The following SIDT1 variants were observed in gnomAD, a reference collection of about 807,000 sequenced individuals.
SIDT1 encodes SID1 transmembrane family, member 1.
In SIDT1, 101 loss-of-function variants were observed where a neutral mutation model predicts 107.5. That is an observed-to-expected ratio of 0.94 (90% confidence interval 0.80 to 1.11). The LOEUF (loss-of-function observed/expected upper bound fraction) is 1.11, where lower values mean the gene tolerates loss of function less well. Among genes scored for constraint, SIDT1 ranks in the 50% least tolerant of loss-of-function variants. The probability of loss-of-function intolerance (pLI) is 0.00; values close to 1 mark genes in which losing one functional copy is unlikely to be tolerated. For missense variants in SIDT1, 1,076 were observed against 1,058.2 expected, an observed-to-expected ratio of 1.02 and a Z score of -0.23; for synonymous variants, 395 against 398.2, an observed-to-expected ratio of 0.99 and a Z score of 0.10.
At chr3:113,566,741 T>A (rs1361786084) in intron 2 of SIDT1, among the ~76,000 whole-genome samples, 200 bp downstream of exon 2, 1 of 152,208 alleles carries the variant, frequency 6.6e-6, no homozygotes, top group East Asian at 1.9e-4. Context: ...GCACTCTACC[T>A]AGATTGGCCA....
chr3:113,599,245 C>T (rs1944786403), intron 10 of SIDT1, among the ~76,000 whole-genome samples: 2 of 152,224 alleles, frequency 1.3e-5, no homozygotes, highest in South Asian at 4.1e-4. Flanking sequence ...CCCAGGGGTT[C>T]CATGAGACTC....
At chr3:113,552,747 T>G (rs1337046221) in intron 1 of SIDT1, among the ~76,000 whole-genome samples, 1 of 152,122 alleles carries the variant, frequency 6.6e-6, no homozygotes, top group East Asian at 1.9e-4. Context: ...CTCCCTTCAT[T>G]TTTGTGTCAT....
chr3:113,591,896 T>C (rs1241617121), intron 9 of SIDT1, among the ~76,000 whole-genome samples: 1 of 151,986 alleles, frequency 6.6e-6, no homozygotes, highest in Non-Finnish European at 1.5e-5. Context: ...AACCAAAATA[T>C]CCATTAAGTG....
chr3:113,624,632 G>C (rs1946716998), intron 23 of SIDT1, among the ~76,000 whole-genome samples: 1 of 152,102 alleles, frequency 6.6e-6, no homozygotes, highest in African/African-American at 2.4e-5. Context: ...ATTTTAAAAT[G>C]TGCAGTTCAG....
chr3:113,546,228 T>C (rs1513288), intron 1 of SIDT1, among the ~76,000 whole-genome samples: 4,293 of 152,334 alleles, frequency 0.028, 109 homozygotes, highest in East Asian at 0.095. Flanking sequence ...AGAGTCATTG[T>C]TCTGATATTT....
At chr3:113,569,861 C>T (rs1942277224) in intron 3 of SIDT1, among the ~76,000 whole-genome samples, 2 of 152,042 alleles carry the variant, frequency 1.3e-5, no homozygotes, top group African/African-American at 2.4e-5. Flanking sequence ...GCCAGTGTTG[C>T]GAACCACTAC....
intron 6 of SIDT1, 68 bp from the exon 7 acceptor site, chr3:113,583,341 C>A: frequency 8.5e-7 from 1 of 1,182,654 alleles, no homozygotes; most frequent in South Asian, 1.6e-5. Flanking sequence ...TCTGCCCCTA[C>A]CCCCAGGGAC....
At chr3:113,538,215 A>G (rs1382205487) in intron 1 of SIDT1, among the ~76,000 whole-genome samples, 2 of 152,250 alleles carry the variant, frequency 1.3e-5, no homozygotes, top group East Asian at 3.8e-4. Flanking sequence ...GTGGGGACAC[A>G]AACATTCAAT....
intron 9 of SIDT1, among the ~76,000 whole-genome samples, chr3:113,587,361 T>A (rs1943816592): frequency 6.6e-6 from 1 of 152,188 alleles, no homozygotes; most frequent in Admixed American, 6.5e-5. Context: ...CTGAAATTAT[T>A]TTCAAATACA....
rs373172604 is a variant in SIDT1 at position 113,599,023 on chromosome 3, A to T, written c.1046-2565A>T. Among the ~76,000 whole-genome samples, 22 of 152,342 alleles carry T rather than the reference A, an allele frequency of 1.4e-4. 1 individual carries two copies. The highest frequency in any genetic ancestry group is 5.0e-4 in the African/African-American group (21 of 41,590). On this transcript the variant is annotated intron_variant, in intron 10 of 24. Coordinates refer to ENST00000264852, the MANE Select transcript of SIDT1 (RefSeq NM_017699.3). ...CATGACCCTGTGGTCACAGCTACTC[A>T]AGAGGCTGAGGCAGGAGGATCGCCT...
intron 19 of SIDT1, chr3:113,612,485 A>G (rs1270491601): frequency 1.0e-5 from 5 of 501,380 alleles, no homozygotes; most frequent in East Asian, 5.3e-5. Flanking sequence ...CAGTCTGCCA[A>G]ACTTTGACTT....
intron 3 of SIDT1, among the ~76,000 whole-genome samples, chr3:113,570,448 C>CT (rs997722590): frequency 1.0e-4 from 14 of 137,238 alleles, no homozygotes; most frequent in African/African-American, 3.7e-4. Flanking sequence ...GAATGGTCTT[C>CT]TGTAAGGTTA....
Position 113,563,653 on chromosome 3 carries a change from A to G in SIDT1, c.223-2767A>G, listed in dbSNP as rs1032080842. On this transcript the variant is annotated intron_variant, in intron 1 of 24. Coordinates refer to ENST00000264852, the MANE Select transcript of SIDT1 (RefSeq NM_017699.3). ...CTTTAACAAACAAGTGTTCCCAAAA[A>G]GGAGAGAGAAGTACCCTTTACATTA... is the stretch of plus-strand genomic sequence containing the variant. Among the ~76,000 whole-genome samples, 50 of 152,244 alleles carry G rather than the reference A, an allele frequency of 3.3e-4. 1 individual carries two copies. The highest frequency in any genetic ancestry group is 2.8e-3 in the Admixed American group (43 of 15,290).
intron 1 of SIDT1, among the ~76,000 whole-genome samples, chr3:113,559,253 G>A (rs924014162): frequency 6.6e-6 from 1 of 152,192 alleles, no homozygotes. Context: ...AACTGTAGTA[G>A]ATATTGGCAA....
At chr3:113,568,009 T>G (rs1041146162) in intron 3 of SIDT1, 7 of 270,042 alleles carry the variant, frequency 2.6e-5, no homozygotes, top group Non-Finnish European at 4.8e-5. Flanking sequence ...TAAATACTTT[T>G]GTATTCCCAA....
intron 3 of SIDT1, among the ~76,000 whole-genome samples, chr3:113,569,545 T>C (rs999035724): frequency 5.3e-5 from 8 of 152,168 alleles, no homozygotes; most frequent in African/African-American, 1.9e-4. Context: ...TTTATCTTGG[T>C]CCTCTCTACC....
rs543538504 is a variant in SIDT1 at position 113,560,461 on chromosome 3, C to A, written c.223-5959C>A. Among the ~76,000 whole-genome samples, 248 of 152,322 alleles carry A rather than the reference C, an allele frequency of 1.6e-3. 1 individual carries two copies. Among genetic ancestry groups the A allele is most frequent in the African/African-American group, 5.7e-3 (236 of 41,582 alleles). ...ACCTCCCACAGCTCCTGACTCAGGG[C>A]AAATCCTCAGTAAATGTTTGATGGA... On this transcript the variant is annotated intron_variant, in intron 1 of 24. Transcript: ENST00000264852.
chr3:113,567,851 GC>G, intron 3 of SIDT1, 141 bp downstream of exon 3: 3 of 800,946 alleles, frequency 3.7e-6, no homozygotes, highest in Non-Finnish European at 5.9e-6. Flanking sequence ...GAACTCTCCT[GC>G]CCATAACTGA....
At chr3:113,584,598 A>T (rs1416723519) in intron 7 of SIDT1, 100 bp from the exon 8 acceptor site, 4 of 765,704 alleles carry the variant, frequency 5.2e-6, no homozygotes, top group Non-Finnish European at 8.7e-6. Flanking sequence ...GATCAGAATT[A>T]ATTCTGGACA....
Sources: gnomAD v4.1 joint callset for allele counts (sites outside exome capture counted in the v4.1 genomes callset) on GRCh38, gnomAD v4.1.1 for gene constraint, MANE v1.5 for transcripts, NCBI Gene and HGNC (gene_info 2026-07-23, HGNC 2026-07-21) for gene names.